SUSD4: variants seen among roughly 807,000 people sequenced by gnomAD.
SUSD4 encodes sushi domain-containing protein 4.
SUSD4 carries 41 observed loss-of-function variants against 50.5 expected under a neutral mutation model. The observed-to-expected ratio is 0.81, with a 90% CI of 0.63 to 1.05. The LOEUF is 1.05. SUSD4 is among the 50% of genes least tolerant of loss of function. The pLI is 0.00. For missense variants in SUSD4, 580 were observed against 634.7 expected (o/e 0.91, Z 0.93); for synonymous variants, 257 against 257.3 (o/e 1.00, Z 0.01).
intron 5 of SUSD4, among the ~76,000 whole-genome samples, chr1:223,257,781 C>A (rs765041018): frequency 2.0e-5 from 3 of 152,178 alleles, no homozygotes; most frequent in African/African-American, 7.2e-5. Context: ...AGAGACCCTG[C>A]GTCTCCCCCA....
At chr1:223,291,350 G>A (rs1254037051) in intron 3 of SUSD4, among the ~76,000 whole-genome samples, 2 of 151,890 alleles carry the variant, frequency 1.3e-5, no homozygotes, top group African/African-American at 4.8e-5. Context: ...AAAATTAGCT[G>A]GGCATGGTGG....
At chr1:223,329,688 G>C (rs141268755) in intron 2 of SUSD4, among the ~76,000 whole-genome samples, 1 of 152,312 alleles carries the variant, frequency 6.6e-6, no homozygotes, top group Non-Finnish European at 1.5e-5. Flanking sequence ...ACAATGGATG[G>C]ATGAACATAT....
chr1:223,252,615 ATATACT>A (rs1277890947), intron 5 of SUSD4, among the ~76,000 whole-genome samples: 5 of 152,212 alleles, frequency 3.3e-5, no homozygotes, highest in Admixed American at 2.0e-4. Context: ...CATCAGAATA[ATATACT>A]TATAGTATGA....
intron 3 of SUSD4, among the ~76,000 whole-genome samples, chr1:223,278,502 C>T (rs546872429): frequency 6.6e-6 from 1 of 152,316 alleles, no homozygotes; most frequent in Non-Finnish European, 1.5e-5. Context: ...TGCAAGGCAG[C>T]AGCGAGGCTG....
intron 2 of SUSD4, among the ~76,000 whole-genome samples, chr1:223,295,059 T>C (rs912710407): frequency 1.3e-5 from 2 of 152,180 alleles, no homozygotes; most frequent in African/African-American, 4.8e-5. Context: ...ATATTCACGA[T>C]GGTACTGAGC....
intron 5 of SUSD4, among the ~76,000 whole-genome samples, chr1:223,262,509 T>G (rs1662193976): frequency 2.6e-5 from 4 of 152,166 alleles, no homozygotes; most frequent in Admixed American, 2.6e-4. Flanking sequence ...CACCATCTTT[T>G]AAAAAGATGA....
chr1:223,343,009 CG>C (rs1448708967), intron 2 of SUSD4, among the ~76,000 whole-genome samples: 2 of 152,034 alleles, frequency 1.3e-5, no homozygotes, highest in Non-Finnish European at 2.9e-5. Context: ...AAAACATTAG[CG>C]GAAAAACAGA....
Position 223,268,404 on chromosome 1 carries a change from A to T in SUSD4, c.535+98T>A, listed in dbSNP as rs1342304255. 16 of 1,457,556 alleles carry T rather than the reference A, an allele frequency of 1.1e-5. No homozygotes were observed. In the Admixed American group the frequency reaches 3.6e-4, roughly 33 times the overall value. The allele number at this position is 1,457,556 out of a possible 1,614,324, so 90.3% of individuals were successfully genotyped here. A position where few individuals can be genotyped will look rare whatever the true frequency, so the allele number is the denominator to read the frequency against. ...GTAGATGGCTTTGTTCATTTCGCCC[A>T]TCATCTCTATCACTTTATTAGATAA... On this transcript the variant is annotated intron_variant, in intron 4 of 8. Transcript: ENST00000366878.
chr1:223,256,263 C>T (rs1241273984), intron 5 of SUSD4, among the ~76,000 whole-genome samples: 3 of 152,138 alleles, frequency 2.0e-5, no homozygotes, highest in Non-Finnish European at 2.9e-5. Context: ...TGGTCTCTCC[C>T]ACGGAAGGCA....
At chr1:223,239,582 C>T (rs1323329769) in intron 5 of SUSD4, among the ~76,000 whole-genome samples, 1 of 151,890 alleles carries the variant, frequency 6.6e-6, no homozygotes, top group Non-Finnish European at 1.5e-5. Context: ...ACAATGAATC[C>T]AAGTCCACTT....
Position 223,264,821 on chromosome 1 carries a change from G to C in SUSD4, c.536-3C>G. ...AGAGGCTAGAGGTCTCAGGCAGCCT[G>C]TGGAAGGTGAAAGAAAAAGGGAAAG... On this transcript the variant is annotated splice_region_variant and splice_polypyrimidine_tract_variant and intron_variant, in intron 4 of 8. Coordinates refer to ENST00000366878, the MANE Select transcript of SUSD4 (RefSeq NM_017982.4). 6.2e-7 allele frequency: 1 copy of C among 1,611,028 alleles called. No individual in the cohort carries two copies. Among genetic ancestry groups the C allele is most frequent in the Non-Finnish European group, 8.5e-7 (1 of 1,178,214 alleles).
Position 223,227,402 on chromosome 1 carries a change from T to C in SUSD4, c.1061+192A>G, listed in dbSNP as rs1659589662. Among the ~76,000 whole-genome samples, 1 of 151,934 alleles carries C rather than the reference T, an allele frequency of 6.6e-6. No homozygotes were observed. Among genetic ancestry groups the C allele is most frequent in the Admixed American group, 6.6e-5 (1 of 15,254 alleles). On this transcript the variant is annotated intron_variant, in intron 7 of 8. Transcript: ENST00000366878. This position sits in a 1 kb window ranked among gnomAD's most constrained non-coding sequence, Gnocchi z 4.5. ...CTACTGCAGGAAGGAGGGAGAGAGG[T>C]AGGAAAGAAAGAAAGAGGAAAATGA...
chr1:223,360,326 G>A, intron 2 of SUSD4: 1 of 448,590 alleles, frequency 2.2e-6, no homozygotes, highest in Non-Finnish European at 4.6e-6. Context: ...GGCAGAAAGG[G>A]GAGAAACAGC....
Position 223,221,097 on chromosome 1 carries a change from A to T in SUSD4, c.*1095T>A, listed in dbSNP as rs1295033784. ...GATGAGACCCTCAAAGTAGGAATGC[A>T]GGAATGATAGGCAGGTGAGGTGGCT... On this transcript the variant is annotated 3_prime_UTR_variant, in exon 9 of 9. Transcript: ENST00000366878. 4 of 400,770 alleles carry T rather than the reference A, an allele frequency of 1.0e-5. No individual in the cohort carries two copies. Among genetic ancestry groups the T allele is most frequent in the African/African-American group, 2.1e-5 (1 of 48,734 alleles). 24.8% of individuals were successfully genotyped at this position (400,770 alleles called of 1,614,324 possible). A position where few individuals can be genotyped will look rare whatever the true frequency, so the allele number is the denominator to read the frequency against.
At chr1:223,338,467 T>G (rs1667576220) in intron 2 of SUSD4, among the ~76,000 whole-genome samples, 1 of 152,210 alleles carries the variant, frequency 6.6e-6, no homozygotes, top group Non-Finnish European at 1.5e-5. Context: ...TGCTATGCTT[T>G]GGAGTTTCTA....
intron 5 of SUSD4, among the ~76,000 whole-genome samples, chr1:223,245,222 T>C (rs1332924903): frequency 6.6e-6 from 1 of 151,440 alleles, no homozygotes; most frequent in Non-Finnish European, 1.5e-5. Flanking sequence ...ATGGGACTTG[T>C]ATTATGTGTT....
At position 223,223,516 on chromosome 1, in the gene SUSD4, C is replaced by T. The variant is rs202120297; in HGVS notation, c.1177G>A (p.Gly393Arg). The T allele has an allele frequency of 8.4e-5, 135 of 1,612,496 alleles. No homozygotes were observed. Among genetic ancestry groups the T allele is most frequent in the Non-Finnish European group, 1.1e-4 (126 of 1,179,588 alleles). The change falls in exon 8 of 9, where the codon GGG becomes AGG. Residue 393 changes from glycine (G) to arginine (R), a missense_variant. Coordinates refer to ENST00000366878, the MANE Select transcript of SUSD4 (RefSeq NM_017982.4). ...VSGGLSALGP[G>R]YMASVGQGCP... ...CCCTGGCCCACAGAGGCCATGTACC[C>T]GGGGCCTAAGGCACTCAAGCCGCCA...
intron 3 of SUSD4, among the ~76,000 whole-genome samples, chr1:223,269,061 ACAGT>A (rs1662727455): frequency 6.6e-6 from 1 of 152,240 alleles, no homozygotes; most frequent in African/African-American, 2.4e-5. Flanking sequence ...AGAACAGAAC[ACAGT>A]GTGGCCTGAT....
At chr1:223,309,656 C>T (rs1176915026) in intron 2 of SUSD4, among the ~76,000 whole-genome samples, 1 of 152,184 alleles carries the variant, frequency 6.6e-6, no homozygotes, top group African/African-American at 2.4e-5. Flanking sequence ...CCAAACTAAG[C>T]ATCAATCCTG....
Sources: gnomAD v4.1 joint callset for allele counts (sites outside exome capture counted in the v4.1 genomes callset) on GRCh38, gnomAD v4.1.1 for gene constraint, Gnocchi (gnomAD v3.1) non-coding constraint, MANE v1.5 for transcripts, NCBI Gene and HGNC (gene_info 2026-07-23, HGNC 2026-07-21) for gene names.